The following VTI1A variants were observed in gnomAD, a reference collection of about 807,000 sequenced individuals.
The protein encoded by VTI1A is vesicle transport through interaction with t-SNAREs homolog 1A.
In VTI1A, 22 loss-of-function variants were observed where a neutral mutation model predicts 34.9. The observed-to-expected ratio is 0.63, with a 90% CI of 0.45 to 0.90. The LOEUF (loss-of-function observed/expected upper bound fraction) is 0.90, where lower values mean the gene tolerates loss of function less well. VTI1A is among the 40% of genes least tolerant of loss of function. VTI1A has a pLI of 0.00. For missense variants in VTI1A, 268 were observed against 275.6 expected, an observed-to-expected ratio of 0.97 and a Z score of 0.20; for synonymous variants, 87 against 97.3, an observed-to-expected ratio of 0.89 and a Z score of 0.62.
At position 112,755,586 on chromosome 10, in the gene VTI1A, A is replaced by G. The variant is rs75932919; in HGVS notation, c.561-59704A>G. Among the ~76,000 whole-genome samples the G allele has an allele frequency of 5.1e-4, 78 of 152,312 alleles. 1 individual carries two copies. The East Asian group carries it at 0.012, about 24-fold the overall frequency. On this transcript the variant is annotated intron_variant, in intron 7 of 7. Transcript: ENST00000393077. ...AACAGCCATTCGTTAATCCCAAAAC[A>G]GTTTTCTGTCAGTTAATTAGAAAAT...
intron 7 of VTI1A, among the ~76,000 whole-genome samples, chr10:112,703,384 A>G (rs1849075855): frequency 6.6e-6 from 1 of 152,192 alleles, no homozygotes; most frequent in Admixed American, 6.5e-5. Flanking sequence ...CCTGACCAAC[A>G]TGGAGAAACC....
intron 7 of VTI1A, among the ~76,000 whole-genome samples, chr10:112,742,708 G>T (rs570148433): frequency 8.2e-4 from 125 of 152,272 alleles, no homozygotes; most frequent in African/African-American, 2.9e-3. Flanking sequence ...TTTCTAGTTG[G>T]CATCTCTGTT....
downstream of VTI1A, among the ~76,000 whole-genome samples, chr10:112,820,897 G>T (rs917455808): frequency 6.6e-6 from 1 of 152,100 alleles, no homozygotes; most frequent in Non-Finnish European, 1.5e-5. Context: ...TAGCACCAGG[G>T]GATAGCAAGG....
chr10:112,830,498 A>G, the VTI1A span, among the ~76,000 whole-genome samples: 1 of 151,094 alleles, frequency 6.6e-6, no homozygotes, highest in African/African-American at 2.4e-5. Flanking sequence ...ACCTTCCTCC[A>G]ATCTCAAGAA....
At chr10:112,717,603 A>G (rs1044931926) in intron 7 of VTI1A, among the ~76,000 whole-genome samples, 1 of 152,280 alleles carries the variant, frequency 6.6e-6, no homozygotes. Flanking sequence ...ATCTTACGGT[A>G]TGGCAGCCTC....
At chr10:112,788,876 A>G (rs141534055) in intron 7 of VTI1A, among the ~76,000 whole-genome samples, 167 of 152,148 alleles carry the variant, frequency 1.1e-3, no homozygotes, top group East Asian at 8.3e-3. Context: ...GTAACTTTTC[A>G]TGAACTACTT....
chr10:112,701,488 T>G (rs925180714), intron 7 of VTI1A, among the ~76,000 whole-genome samples: 1 of 152,178 alleles, frequency 6.6e-6, no homozygotes, highest in Non-Finnish European at 1.5e-5. Context: ...AAGCCTCGTG[T>G]TGGTTTCTTT....
intron 1 of VTI1A, among the ~76,000 whole-genome samples, chr10:112,459,298 C>G (rs1847648806): frequency 6.6e-6 from 1 of 152,156 alleles, no homozygotes; most frequent in Non-Finnish European, 1.5e-5. Flanking sequence ...TCAGCCATTG[C>G]ACGCTTGCTT....
intron 5 of VTI1A, among the ~76,000 whole-genome samples, chr10:112,642,911 A>G (rs1846627622): frequency 6.6e-6 from 1 of 152,004 alleles, no homozygotes; most frequent in Non-Finnish European, 1.5e-5. Flanking sequence ...TGGTGACACT[A>G]GAACTGTATT....
intron 7 of VTI1A, among the ~76,000 whole-genome samples, chr10:112,728,719 T>G (rs892659179): frequency 7.2e-5 from 11 of 152,222 alleles, no homozygotes; most frequent in African/African-American, 2.7e-4. Context: ...CCTAGTGTTC[T>G]CGGACAATAT....
At chr10:112,764,618 G>A (rs554359579) in intron 7 of VTI1A, among the ~76,000 whole-genome samples, 2 of 152,158 alleles carry the variant, frequency 1.3e-5, no homozygotes, top group African/African-American at 2.4e-5. Flanking sequence ...ATTTTTCTCT[G>A]GATATATACC....
chr10:112,721,173 TC>T (rs1335393977), intron 7 of VTI1A, among the ~76,000 whole-genome samples: 6 of 152,204 alleles, frequency 3.9e-5, no homozygotes, highest in South Asian at 2.1e-4. Context: ...TCTGCTGTGC[TC>T]TGTTTCTTCT....
chr10:112,557,108 C>T (rs1851566926), intron 5 of VTI1A, among the ~76,000 whole-genome samples: 2 of 151,854 alleles, frequency 1.3e-5, no homozygotes, highest in Admixed American at 1.3e-4. Context: ...AAAAGCTTTC[C>T]ACAGGGGAAC....
chr10:112,599,593 T>G (rs2134465327), intron 5 of VTI1A, among the ~76,000 whole-genome samples: 1 of 152,208 alleles, frequency 6.6e-6, no homozygotes, highest in South Asian at 2.1e-4. Context: ...TTTTCTTTCT[T>G]TTTTTTAAAC....
intron 1 of VTI1A, chr10:112,450,094 G>T (rs1847178849): frequency 6.6e-6 from 1 of 151,414 alleles, no homozygotes. Context: ...GTTTTGCCAT[G>T]TTGCCCAGGC....
At chr10:112,582,468 A>G (rs1411289995) in intron 5 of VTI1A, among the ~76,000 whole-genome samples, 1 of 152,136 alleles carries the variant, frequency 6.6e-6, no homozygotes, top group Non-Finnish European at 1.5e-5. Context: ...TTAAGTATGG[A>G]AATTGTGGAA....
intron 7 of VTI1A, among the ~76,000 whole-genome samples, chr10:112,704,361 A>T (rs767220839): frequency 1.3e-5 from 2 of 151,934 alleles, no homozygotes; most frequent in Non-Finnish European, 2.9e-5. Context: ...TGAGTAATCA[A>T]ATTCTTAGAT....
chr10:112,520,025 A>T (rs944999782), intron 3 of VTI1A, among the ~76,000 whole-genome samples: 12 of 152,098 alleles, frequency 7.9e-5, no homozygotes, highest in Non-Finnish European at 1.6e-4. Context: ...ATTGCAAAAC[A>T]TTTATTTATC....
chr10:112,466,924 T>A (rs1443154707), intron 3 of VTI1A, among the ~76,000 whole-genome samples: 1 of 152,218 alleles, frequency 6.6e-6, no homozygotes, highest in African/African-American at 2.4e-5. Context: ...TGTCTTCATA[T>A]GTCTTCCCTC....
Sources: allele counts gnomAD v4.1 joint callset (sites outside exome capture counted in the v4.1 genomes callset), GRCh38; gene constraint gnomAD v4.1.1; transcripts MANE v1.5; gene names NCBI Gene and HGNC (gene_info 2026-07-23, HGNC 2026-07-21).